TBC1D30: variants seen among roughly 807,000 people sequenced by gnomAD.
TBC1D30 encodes the protein TBC1 domain family, member 30.
In TBC1D30, 31 loss-of-function variants were observed where a neutral mutation model predicts 63.2. The ratio of observed to expected loss-of-function variants is 0.49; its 90% CI spans 0.37 to 0.66. The LOEUF is 0.66. Ranked by LOEUF, TBC1D30 falls within the 30% of genes least tolerant of loss-of-function variation. TBC1D30 has a pLI of 0.00. For synonymous variants in TBC1D30, 307 were observed against 361.5 expected (o/e 0.85, Z 1.71); for missense variants, 810 against 953.6 (o/e 0.85, Z 1.98).
At chr12:64,852,565 G>A (rs951481600) in intron 8 of TBC1D30, among the ~76,000 whole-genome samples, 21 of 152,074 alleles carry the variant, frequency 1.4e-4, no homozygotes, top group African/African-American at 4.6e-4. Context: ...AAAAAGAGGC[G>A]TTCTGGTTTT....
chr12:64,823,996 T>TC (rs374784625), upstream of TBC1D30, among the ~76,000 whole-genome samples: 4,297 of 148,632 alleles, frequency 0.029, 162 homozygotes, highest in African/African-American at 0.095. Context: ...TATCTTTATA[T>TC]CCCCCCCCCA....
intron 7 of TBC1D30, among the ~76,000 whole-genome samples, chr12:64,839,445 A>G (rs1390523807): frequency 2.6e-5 from 4 of 152,128 alleles, no homozygotes; most frequent in African/African-American, 4.8e-5. Flanking sequence ...TTCACCTTTG[A>G]TATATTATGA....
chr12:64,789,502 A>T (rs1342679386), intron 2 of TBC1D30, among the ~76,000 whole-genome samples: 1 of 151,826 alleles, frequency 6.6e-6, no homozygotes, highest in African/African-American at 2.4e-5. Flanking sequence ...TCCTTCTATA[A>T]CATGCTATAG....
chr12:64,775,568 A>G (rs527942783), upstream of TBC1D30, among the ~76,000 whole-genome samples: 4 of 152,254 alleles, frequency 2.6e-5, no homozygotes, highest in Non-Finnish European at 5.9e-5. Flanking sequence ...TCAATTCAAC[A>G]AGAAGACCTA....
intron 2 of TBC1D30, among the ~76,000 whole-genome samples, chr12:64,815,644 C>T (rs919514872): frequency 3.3e-5 from 5 of 152,084 alleles, no homozygotes; most frequent in African/African-American, 1.2e-4. Context: ...TTTATATGCA[C>T]ATATACAATC....
At chr12:64,778,528 T>C (rs2136285865), upstream of TBC1D30, among the ~76,000 whole-genome samples, 1 of 147,010 alleles carries the variant, frequency 6.8e-6, no homozygotes, top group South Asian at 2.2e-4. Context: ...AGGGTGGTTA[T>C]GGAGTGATTC....
chr12:64,835,246 C>G (rs916049142), intron 5 of TBC1D30, among the ~76,000 whole-genome samples: 6 of 152,164 alleles, frequency 3.9e-5, no homozygotes, highest in Non-Finnish European at 8.8e-5. Context: ...GGCCACCTTA[C>G]AGCAAAGGAG....
At position 64,866,838 on chromosome 12, in the gene TBC1D30, G is replaced by A. The variant is rs777671655; in HGVS notation, c.1226G>A (p.Gly409Glu). The A allele has an allele frequency of 7.2e-6, 11 of 1,536,326 alleles. No homozygotes were observed. In the South Asian group the frequency reaches 1.2e-4, roughly 17 times the overall value. The change falls in exon 10 of 12, where the codon GGG becomes GAG. Residue 409 changes from glycine to glutamate, a missense_variant. Around this residue, in one of 4 missense-constraint regions of TBC1D30, gnomAD observed 450 missense variants for 473.0 expected, o/e 0.95. Coordinates refer to ENST00000539867, the MANE Select transcript of TBC1D30 (RefSeq NM_015279.2). ...DDEDAVVNAV[G>E]CLGPFSGFLA... is the part of the protein sequence containing the mutation. Reference sequence around the variant, plus strand: ...GAGGATGCTGTCGTTAATGCAGTGGGGTGTCTTGGACCTTTTAGTGGGTTC... The same window carrying A: ...GAGGATGCTGTCGTTAATGCAGTGGAGTGTCTTGGACCTTTTAGTGGGTTC...
At chr12:64,807,694 T>C (rs1322202896) in intron 2 of TBC1D30, among the ~76,000 whole-genome samples, 1 of 152,152 alleles carries the variant, frequency 6.6e-6, no homozygotes, top group Admixed American at 6.5e-5. Context: ...AAGCATCCTT[T>C]CCCAAACTGG....
chr12:64,872,185 G>A (rs1237678762), intron 11 of TBC1D30, among the ~76,000 whole-genome samples: 1 of 152,086 alleles, frequency 6.6e-6, no homozygotes, highest in African/African-American at 2.4e-5. Flanking sequence ...GCACCACCAT[G>A]CCTGGCTGAT....
Position 64,875,564 on chromosome 12 carries a change from G to A in TBC1D30, c.2062G>A (p.Ala688Thr). ...CQRHCPEPPS[A>T]PEENKATSKA... ...GCGGCACTGCCCAGAGCCGCCGAGT[G>A]CACCCGAAGAAAACAAAGCCACCAG... Residue 688 changes from alanine to threonine, a missense_variant, in exon 12 of 12, where the codon GCA becomes ACA. Ala to Thr is a moderately conservative substitution (Grantham distance 58, BLOSUM62 0). This residue lies in a region of TBC1D30 where 450 missense variants were observed against 473.0 expected (regional missense o/e 0.95). Coordinates refer to ENST00000539867, the MANE Select transcript of TBC1D30 (RefSeq NM_015279.2). 6.5e-7 allele frequency: 1 copy of A among 1,536,142 alleles called. No individual in the cohort carries two copies. Among genetic ancestry groups the A allele is most frequent in the Non-Finnish European group, 8.7e-7 (1 of 1,146,906 alleles).
intron 7 of TBC1D30, among the ~76,000 whole-genome samples, chr12:64,839,452 A>G (rs979673634): frequency 3.3e-5 from 5 of 152,198 alleles, no homozygotes; most frequent in African/African-American, 7.2e-5. Flanking sequence ...TTGATATATT[A>G]TGATTACTAC....
chr12:64,780,253 G>T (rs764953939), upstream of TBC1D30, among the ~76,000 whole-genome samples: 1 of 152,228 alleles, frequency 6.6e-6, no homozygotes, highest in Non-Finnish European at 1.5e-5. Context: ...GAAGGCTTTT[G>T]AAGGCGCTCA....
chr12:64,825,016 T>C lies in TBC1D30; in HGVS notation c.137T>C (p.Leu46Pro). 6.5e-7 allele frequency: 1 copy of C among 1,533,446 alleles called. No homozygotes were observed. The allele number at this position is 1,533,446 out of a possible 1,614,324, so 95.0% of individuals were successfully genotyped here. ...ATTTCCCGGACCGCGCCCCGGCTGC[T>C]GTGCACCCTGGAGCCGGGTGAGGAC... is the stretch of plus-strand genomic sequence containing the variant. ...SCISRTAPRLLCTLEPGVDTK... is the reference protein window; with the variant it reads ...SCISRTAPRLPCTLEPGVDTK... Residue 46 changes from leucine to proline, a missense_variant, in exon 1 of 12, where the codon CTG (leucine) becomes CCG (proline). Leu to Pro is a moderately conservative substitution (Grantham distance 98). Around this residue, in one of 4 missense-constraint regions of TBC1D30, gnomAD observed 272 missense variants for 335.9 expected, o/e 0.81. Coordinates refer to ENST00000539867, the MANE Select transcript of TBC1D30 (RefSeq NM_015279.2).
chr12:64,794,384 C>G (rs920779595), intron 2 of TBC1D30, among the ~76,000 whole-genome samples: 3 of 151,394 alleles, frequency 2.0e-5, no homozygotes, highest in Non-Finnish European at 4.4e-5. Flanking sequence ...TTTCTTTTTC[C>G]TCTTTCTGGG....
At chr12:64,873,362 TGA>T (rs975730769) in intron 11 of TBC1D30, among the ~76,000 whole-genome samples, 3 of 152,092 alleles carry the variant, frequency 2.0e-5, no homozygotes, top group African/African-American at 7.2e-5. Context: ...TGTTTGGCAT[TGA>T]GGACCCAGTG....
intron 1 of TBC1D30, among the ~76,000 whole-genome samples, chr12:64,766,995 T>C (rs567235086): frequency 6.6e-6 from 1 of 152,188 alleles, no homozygotes; most frequent in South Asian, 2.1e-4. Flanking sequence ...TACTTTGAGA[T>C]GAATGAATAT....
intron 4 of TBC1D30, among the ~76,000 whole-genome samples, chr12:64,831,889 T>C (rs1194113434): frequency 6.6e-6 from 1 of 152,144 alleles, no homozygotes; most frequent in East Asian, 1.9e-4. Flanking sequence ...AAGTTGAAAA[T>C]TTGCCTGACT....
intron 10 of TBC1D30, 50 bp from the exon 11 acceptor site, chr12:64,870,548 TACTC>T (rs1878572474): frequency 1.4e-6 from 2 of 1,417,376 alleles, no homozygotes; most frequent in African/African-American, 2.8e-5. Flanking sequence ...AATTTCCATT[TACTC>T]CTGTTCCCCT....
Sources: gnomAD v4.1 joint callset for allele counts (sites outside exome capture counted in the v4.1 genomes callset) on GRCh38, gnomAD v4.1.1 for gene constraint, gnomAD v4.1.1 regional missense constraint, MANE v1.5 for transcripts, NCBI Gene and HGNC (gene_info 2026-07-23, HGNC 2026-07-21) for gene names.